Variants in FYCO1 observed in about 807,000 individuals in gnomAD.
FYCO1 encodes FYVE and coiled-coil domain autophagy adaptor 1.
FYCO1 carries 122 observed loss-of-function variants against 165.1 expected under a neutral mutation model. The ratio of observed to expected loss-of-function variants is 0.74; its 90% CI spans 0.64 to 0.86. The LOEUF (loss-of-function observed/expected upper bound fraction) is 0.86, where lower values mean the gene tolerates loss of function less well. FYCO1 is among the 40% of genes least tolerant of loss of function. FYCO1 has a pLI of 0.00. For synonymous variants in FYCO1, 648 were observed against 742.5 expected, an observed-to-expected ratio of 0.87 and a Z score of 2.07; for missense variants, 1,702 against 1,810.3, an observed-to-expected ratio of 0.94 and a Z score of 1.09.
At chr3:45,980,875 A>G (rs1331252190) in intron 3 of FYCO1, among the ~76,000 whole-genome samples, 2 of 152,256 alleles carry the variant, frequency 1.3e-5, no homozygotes, top group East Asian at 3.8e-4. Flanking sequence ...TAACTTCTAC[A>G]GCATTTCTTT....
intron 14 of FYCO1, among the ~76,000 whole-genome samples, chr3:45,953,510 CT>C (rs1355888425): frequency 6.6e-6 from 1 of 152,198 alleles, no homozygotes; most frequent in Admixed American, 6.5e-5. Flanking sequence ...CTTTATACAA[CT>C]CATATTTTTA....
At chr3:45,956,155 A>T (rs925042254) in intron 13 of FYCO1, among the ~76,000 whole-genome samples, 1 of 152,044 alleles carries the variant, frequency 6.6e-6, no homozygotes, top group Non-Finnish European at 1.5e-5. Context: ...GGCCAACTTG[A>T]TGAAACCCTG....
chr3:45,980,072 A>G (rs1028656878), intron 3 of FYCO1, among the ~76,000 whole-genome samples: 1 of 152,208 alleles, frequency 6.6e-6, no homozygotes, highest in Non-Finnish European at 1.5e-5. Flanking sequence ...AGTCTTGGCC[A>G]TGTGCGGTGG....
At chr3:45,926,155 C>A (rs535075946) in intron 16 of FYCO1, among the ~76,000 whole-genome samples, 10 of 152,248 alleles carry the variant, frequency 6.6e-5, no homozygotes, top group South Asian at 2.1e-4. Context: ...AGACTCAAAC[C>A]TAACCTTAAC....
chr3:45,990,996 T>G (rs368566255), intron 1 of FYCO1, among the ~76,000 whole-genome samples: 1 of 152,124 alleles, frequency 6.6e-6, no homozygotes, highest in South Asian at 2.1e-4. Context: ...GCCAGGATGG[T>G]CTTGATCTCC....
At chr3:45,939,401 T>G (rs866171287) in intron 14 of FYCO1, among the ~76,000 whole-genome samples, 3 of 152,222 alleles carry the variant, frequency 2.0e-5, no homozygotes, top group Non-Finnish European at 4.4e-5. Flanking sequence ...ACTGTAGTCC[T>G]GGAGTCCACA....
At chr3:45,984,435 G>A (rs1024112692) in intron 2 of FYCO1, 2 of 346,720 alleles carry the variant, frequency 5.8e-6, no homozygotes, top group African/African-American at 2.1e-5. Context: ...ACCCAGTTGG[G>A]CAGCAAAACA....
chr3:45,949,755 C>T (rs1704884097), intron 14 of FYCO1, among the ~76,000 whole-genome samples: 1 of 152,134 alleles, frequency 6.6e-6, no homozygotes, highest in Non-Finnish European at 1.5e-5. Context: ...CCCGCCCCCT[C>T]CCAGGGTCCC....
chr3:45,966,521 T>C lies in FYCO1; in HGVS notation c.2813A>G (p.Glu938Gly), dbSNP rs770590767. ...CAVQELQDAK[E>G]AASREREGLE... ...GCCCTCTCGCTCCCTTGAGGCTGCC[T>C]CTTTGGCGTCCTGGAGCTCCTGGAC... Residue 938 changes from glutamate to glycine, a missense_variant, in exon 8 of 18, where the codon GAG (glutamate) becomes GGG (glycine). By Grantham distance (98) the Glu-to-Gly change is moderately conservative (BLOSUM62 -2). Coordinates refer to ENST00000296137, the MANE Select transcript of FYCO1 (RefSeq NM_024513.4). The C allele has an allele frequency of 6.2e-7, 1 of 1,613,232 alleles. No homozygotes were observed. The highest frequency in any genetic ancestry group is 8.5e-7 in the Non-Finnish European group (1 of 1,179,256).
chr3:45,994,121 T>A (rs1369627490), intron 1 of FYCO1, among the ~76,000 whole-genome samples: 2 of 151,790 alleles, frequency 1.3e-5, no homozygotes, highest in African/African-American at 4.8e-5. Context: ...CCTGAAATTA[T>A]ACTGGTGCTC....
intron 13 of FYCO1, among the ~76,000 whole-genome samples, chr3:45,956,668 T>C (rs1227878049): frequency 1.4e-4 from 21 of 152,162 alleles, no homozygotes; most frequent in Admixed American, 1.3e-3. Context: ...GCCACACTCC[T>C]GAACCTGCCT....
rs1706229559 is a variant in FYCO1, at chr3:45,968,430, A to G, written c.904T>C (p.Trp302Arg). The G allele has an allele frequency of 6.2e-7, 1 of 1,613,740 alleles. No individual in the cohort carries two copies. The highest frequency in any genetic ancestry group is 8.5e-7 in the Non-Finnish European group (1 of 1,179,962). Residue 302 changes from tryptophan (W) to arginine (R), a missense_variant, in exon 8 of 18, where the codon TGG becomes CGG. Physicochemically the swap from Trp to Arg is moderately radical, Grantham distance 101. Transcript: ENST00000296137. ...TCLVAELQKQWEVTQATQNTV... is the reference protein window; with the variant it reads ...TCLVAELQKQREVTQATQNTV... ...TTCTGGGTGGCCTGGGTGACCTCCC[A>G]CTGCTTCTGGAGCTCAGCTACCAAG...
chr3:45,989,828 G>A (rs1035386453), intron 1 of FYCO1, among the ~76,000 whole-genome samples: 1 of 152,152 alleles, frequency 6.6e-6, no homozygotes, highest in African/African-American at 2.4e-5. Context: ...GCTCTGAGGT[G>A]TTGCTTTTGG....
At chr3:45,942,639 G>T (rs1265155462) in intron 14 of FYCO1, among the ~76,000 whole-genome samples, 1 of 152,342 alleles carries the variant, frequency 6.6e-6, no homozygotes, top group East Asian at 1.9e-4. Flanking sequence ...GACCCAGGCT[G>T]ACATGCCTCC....
intron 1 of FYCO1, among the ~76,000 whole-genome samples, chr3:45,988,892 A>G (rs1195343793): frequency 6.6e-6 from 1 of 152,170 alleles, no homozygotes; most frequent in African/African-American, 2.4e-5. Flanking sequence ...TTTTTTCTAT[A>G]CCTGCCCAGA....
At chr3:45,925,741 G>A (rs1703292691) in intron 16 of FYCO1, among the ~76,000 whole-genome samples, 1 of 152,132 alleles carries the variant, frequency 6.6e-6, no homozygotes, top group Non-Finnish European at 1.5e-5. Flanking sequence ...AGTACCATGA[G>A]GGGAGAACCG....
intron 4 of FYCO1, 128 bp downstream of exon 4, chr3:45,979,577 A>G: frequency 1.8e-6 from 2 of 1,109,320 alleles, no homozygotes; most frequent in African/African-American, 1.5e-5. Flanking sequence ...GTATACCTGG[A>G]CTAGATTTCT....
In FYCO1 at chr3:45,933,578, T is replaced by C. The variant is rs115245903; in HGVS notation, c.4041-2297A>G. On this transcript the variant is annotated intron_variant, in intron 15 of 17. Transcript: ENST00000296137. ...TGATTTCAAACATTTCCCTGTTCTT[T>C]CCCATTAAATGCCACTAAAAAAACT... 8.2e-3 allele frequency among the ~76,000 whole-genome samples: 1,243 copies of C among 152,250 alleles called. 10 individuals carry two copies. Among genetic ancestry groups the C allele is most frequent in the Non-Finnish European group, 0.014 (945 of 68,026 alleles).
At chr3:45,934,369 C>T (rs1703780796) in intron 15 of FYCO1, among the ~76,000 whole-genome samples, 1 of 152,020 alleles carries the variant, frequency 6.6e-6, no homozygotes, top group South Asian at 2.1e-4. Context: ...GAACAAAAGA[C>T]AAAGAAAAAA....
Sources: gnomAD v4.1 joint callset for allele counts (sites outside exome capture counted in the v4.1 genomes callset) on GRCh38, gnomAD v4.1.1 for gene constraint, MANE v1.5 for transcripts, NCBI Gene and HGNC (gene_info 2026-07-23, HGNC 2026-07-21) for gene names.